BPIFB1: variants seen among roughly 807,000 people sequenced by gnomAD.
The protein encoded by BPIFB1 is BPI fold-containing family B member 1.
BPIFB1 carries 34 observed loss-of-function variants against 55.1 expected under a neutral mutation model. That is an observed-to-expected ratio of 0.62 (90% CI 0.47 to 0.82). BPIFB1 has a LOEUF of 0.82. Ranked by LOEUF, BPIFB1 falls within the 40% of genes least tolerant of loss-of-function variation. The probability of loss-of-function intolerance (pLI) is 0.00; values close to 1 mark genes in which losing one functional copy is unlikely to be tolerated. For missense variants in BPIFB1, 532 were observed against 593.1 expected (o/e 0.90, Z 1.07); for synonymous variants, 236 against 245.3 (o/e 0.96, Z 0.35).
chr20:33,308,751 A>G (rs936646813), intron 15 of BPIFB1, among the ~76,000 whole-genome samples: 3 of 149,460 alleles, frequency 2.0e-5, no homozygotes, highest in Non-Finnish European at 4.4e-5. Context: ...CATATTGCAC[A>G]CATACACACC....
At chr20:33,292,042 T>G in intron 6 of BPIFB1, 54 bp downstream of exon 6, 8 of 1,541,288 alleles carry the variant, frequency 5.2e-6, no homozygotes, top group Non-Finnish European at 7.2e-6. Context: ...CCTGTGGGGC[T>G]TGGGTGGAAC....
rs146730252 is a variant in BPIFB1 at position 33,293,268 on chromosome 20, GA to G, written c.597+1288del. On this transcript the variant is annotated intron_variant, in intron 6 of 15. Coordinates refer to ENST00000253354, the MANE Select transcript of BPIFB1 (RefSeq NM_033197.3). ...GATGTAATAAATGAAAAAATTTGGGGAAAAAAAATCCATAATCCTTTTACTT... is the reference window on the plus strand; with the variant it reads ...GATGTAATAAATGAAAAAATTTGGGGAAAAAAATCCATAATCCTTTTACTT... Among the ~76,000 whole-genome samples, 735 of 151,822 alleles carry G rather than the reference GA, an allele frequency of 4.8e-3. 8 individuals carry two copies. The highest frequency in any genetic ancestry group is 0.016 in the African/African-American group (672 of 41,414).
intron 9 of BPIFB1, among the ~76,000 whole-genome samples, chr20:33,302,084 G>T (rs1213524719): frequency 6.6e-6 from 1 of 152,156 alleles, no homozygotes; most frequent in East Asian, 1.9e-4. Context: ...CAGTAAAAAT[G>T]AAATCACCTC....
At chr20:33,293,884 G>GAT (rs1980551869) in intron 6 of BPIFB1, among the ~76,000 whole-genome samples, 1 of 152,064 alleles carries the variant, frequency 6.6e-6, no homozygotes, top group South Asian at 2.1e-4. Context: ...TAAACAATGT[G>GAT]ATTCTTATTA....
At position 33,289,922 on chromosome 20, in the gene BPIFB1, G is replaced by T; in HGVS notation, c.295G>T (p.Val99Leu). ...VITANILQLQ[V>L]KPSANDQELL... The stretch of plus-strand genomic sequence containing the variant: ...CACAGCTAACATCCTCCAGCTGCAG[G>T]TGAAGCCCTCGGCCAATGACCAGGA... The change falls in exon 4 of 16, where the codon GTG becomes TTG. Residue 99 changes from valine (V) to leucine (L), a missense_variant. By Grantham distance (32) the Val-to-Leu change is conservative (BLOSUM62 1). Coordinates refer to ENST00000253354, the MANE Select transcript of BPIFB1 (RefSeq NM_033197.3). 6.2e-7 allele frequency: 1 copy of T among 1,614,212 alleles called. No individual in the cohort carries two copies. The highest frequency in any genetic ancestry group is 1.7e-5 in the Admixed American group (1 of 60,028).
At position 33,300,185 on chromosome 20, in the gene BPIFB1, C is replaced by CT. The variant is rs560699993; in HGVS notation, c.747+202dup. On this transcript the variant is annotated intron_variant, in intron 8 of 15. Transcript: ENST00000253354. The stretch of plus-strand genomic sequence containing the variant: ...TTTGTTTTTTTGAGACTGAGTCTCA[C>CT]TGTCACCCAGAGTGACATGGGGGGG... Among the ~76,000 whole-genome samples, 21 of 152,318 alleles carry CT rather than the reference C, an allele frequency of 1.4e-4. No individual in the cohort carries two copies. The East Asian group carries it at 4.0e-3, about 29-fold the overall frequency.
Position 33,288,796 on chromosome 20 carries a change from G to A in BPIFB1, c.171G>A (p.Pro57=), listed in dbSNP as rs150010004. The A allele has an allele frequency of 3.7e-5, 60 of 1,613,872 alleles. No homozygotes were observed. The highest frequency in any genetic ancestry group is 1.7e-4 in the African/African-American group (13 of 74,932). The change falls in exon 3 of 16, where the codon CCG becomes CCA. Residue 57 remains proline, a synonymous_variant. Coordinates refer to ENST00000253354, the MANE Select transcript of BPIFB1 (RefSeq NM_033197.3). ...CCACCAGCATCCTGCAGCAGCTGCCGCTGCTCAGTGCCATGCGGGAAAAGC... is the reference window on the plus strand; with the variant it reads ...CCACCAGCATCCTGCAGCAGCTGCCACTGCTCAGTGCCATGCGGGAAAAGC... The part of the protein sequence containing the change: ...HNATSILQQL[P]LLSAMREKPA...
chr20:33,285,739 A>G (rs1980246702), intron 1 of BPIFB1, among the ~76,000 whole-genome samples: 1 of 151,976 alleles, frequency 6.6e-6, no homozygotes, highest in South Asian at 2.1e-4. Flanking sequence ...AAAAGAAAGA[A>G]AATAGCTAAT....
intron 12 of BPIFB1, 152 bp downstream of exon 12, chr20:33,304,177 G>A: frequency 1.5e-6 from 1 of 685,016 alleles, no homozygotes; most frequent in Non-Finnish European, 2.5e-6. Flanking sequence ...TGCTGACAAG[G>A]ACTGCATGTG....
chr20:33,308,372 G>A (rs1403646829), intron 15 of BPIFB1, among the ~76,000 whole-genome samples: 1 of 152,126 alleles, frequency 6.6e-6, no homozygotes, highest in African/African-American at 2.4e-5. Flanking sequence ...GAAAGATGAG[G>A]AAGGAGGCCC....
In BPIFB1 at chr20:33,302,230, A is replaced by G. The variant is rs1442947301; in HGVS notation, c.928-129A>G. 6 of 878,714 alleles carry G rather than the reference A, an allele frequency of 6.8e-6. No homozygotes were observed. The East Asian group carries it at 1.2e-4, about 18-fold the overall frequency. The allele number at this position is 878,714 out of a possible 1,614,324, so 54.4% of individuals were successfully genotyped here. A position where few individuals can be genotyped will look rare whatever the true frequency, so the allele number is the denominator to read the frequency against. ...CTGTTTTTCCACCAATGACAGACACATGGCTTGGGTCACTGGGCCCACCCA... is the reference window on the plus strand; with the variant it reads ...CTGTTTTTCCACCAATGACAGACACGTGGCTTGGGTCACTGGGCCCACCCA... On this transcript the variant is annotated intron_variant, in intron 9 of 15. Coordinates refer to ENST00000253354, the MANE Select transcript of BPIFB1 (RefSeq NM_033197.3).
chr20:33,301,304 C>T lies in BPIFB1; in HGVS notation c.819C>T (p.Pro273=), dbSNP rs1363159685. Residue 273 remains proline (P), a synonymous_variant, in exon 9 of 16, where the codon CCC becomes CCT. Transcript: ENST00000253354. ...ACTCTGCAGCTTCCCTGACAATGCC[C>T]ACCCTGGACAACATCCCGTTCAGCC... The part of the protein sequence containing the change: ...FNNSAASLTM[P]TLDNIPFSLI... The T allele has an allele frequency of 6.2e-7, 1 of 1,614,226 alleles. No homozygotes were observed. Among genetic ancestry groups the T allele is most frequent in the Admixed American group, 1.7e-5 (1 of 60,028 alleles).
chr20:33,292,598 T>C (rs1401580744), intron 6 of BPIFB1, among the ~76,000 whole-genome samples: 1 of 152,204 alleles, frequency 6.6e-6, no homozygotes, highest in Admixed American at 6.5e-5. Flanking sequence ...AATTTAACAA[T>C]TGGTTCTCAA....
intron 14 of BPIFB1, 122 bp from the exon 15 acceptor site, chr20:33,306,789 C>G: frequency 1.3e-6 from 1 of 789,782 alleles, no homozygotes; most frequent in Non-Finnish European, 2.3e-6. Context: ...CGAGCAGAGG[C>G]AGAGGGGGCT....
Position 33,302,966 on chromosome 20 carries a change from C to T in BPIFB1, c.1032C>T (p.Asp344=). The change falls in exon 11 of 16, where the codon GAC becomes GAT. Residue 344 remains aspartate (D), a synonymous_variant. Transcript: ENST00000253354. Reference sequence around the variant, plus strand: ...AGATCGTGAAGATCCTAACTCAGGACACTCCCGAGTTTTTTATAGACCAAG... The same window carrying T: ...AGATCGTGAAGATCCTAACTCAGGATACTCCCGAGTTTTTTATAGACCAAG... ...STQIVKILTQ[D]TPEFFIDQGH... 6.2e-7 allele frequency: 1 copy of T among 1,614,168 alleles called. No individual in the cohort carries two copies. Among genetic ancestry groups the T allele is most frequent in the Non-Finnish European group, 8.5e-7 (1 of 1,180,018 alleles).
intron 15 of BPIFB1, 68 bp downstream of exon 15, chr20:33,307,055 G>A: frequency 1.4e-6 from 2 of 1,453,012 alleles, no homozygotes; most frequent in Non-Finnish European, 1.9e-6. Context: ...CTGGCTGGGA[G>A]GTGGGGCCTG....
At chr20:33,301,448 C>T in intron 9 of BPIFB1, 36 bp downstream of exon 9, 1 of 1,581,588 alleles carries the variant, frequency 6.3e-7, no homozygotes, top group Non-Finnish European at 8.6e-7. Flanking sequence ...TAGGGCCGCC[C>T]AGGCCACATC....
At chr20:33,289,845 G>A in intron 3 of BPIFB1, 40 bp from the exon 4 acceptor site, 1 of 1,556,740 alleles carries the variant, frequency 6.4e-7, no homozygotes, top group Non-Finnish European at 8.9e-7. Flanking sequence ...GGAATAATGA[G>A]CCGGAGGCAT....
intron 6 of BPIFB1, among the ~76,000 whole-genome samples, chr20:33,297,307 C>T (rs1980684745): frequency 1.3e-5 from 2 of 152,240 alleles, no homozygotes; most frequent in Admixed American, 6.5e-5. Flanking sequence ...CAAGCACACC[C>T]TGGGCACAGG....
Sources: gnomAD v4.1 joint callset for allele counts (sites outside exome capture counted in the v4.1 genomes callset) on GRCh38, gnomAD v4.1.1 for gene constraint, MANE v1.5 for transcripts, NCBI Gene and HGNC (gene_info 2026-07-23, HGNC 2026-07-21) for gene names.